Variants in PAPPA observed in about 807,000 individuals in gnomAD.
PAPPA encodes pappalysin 1, also known as pappalysin-1.
In PAPPA, 60 loss-of-function variants were observed where a neutral mutation model predicts 164.0. The observed-to-expected ratio is 0.37, with a 90% confidence interval of 0.30 to 0.45. The LOEUF (loss-of-function observed/expected upper bound fraction) is 0.45. Ranked by LOEUF, PAPPA falls within the 20% of genes least tolerant of loss-of-function variation. The probability of loss-of-function intolerance (pLI) is 1.00; values close to 1 mark genes in which losing one functional copy is unlikely to be tolerated. For missense variants in PAPPA, 1,782 were observed against 2,087.3 expected (o/e 0.85, Z 2.85); for synonymous variants, 875 against 814.1 (o/e 1.07, Z -1.27).
At position 116,347,265 on chromosome 9, in the gene PAPPA, G is replaced by T. The variant is rs984269248; in HGVS notation, c.3964+56G>T. Reference sequence around the variant, plus strand: ...TCCTTTGTCTATGGGAAACCTAGAAGCTGCATCCAGGCCCTCTTTCTGGGT... The same window carrying T: ...TCCTTTGTCTATGGGAAACCTAGAATCTGCATCCAGGCCCTCTTTCTGGGT... On this transcript the variant is annotated intron_variant, in intron 15 of 21. Coordinates refer to ENST00000328252, the MANE Select transcript of PAPPA (RefSeq NM_002581.5). This position sits in a 1 kb window ranked among gnomAD's most constrained non-coding sequence, Gnocchi z 4.5. The T allele has an allele frequency of 3.4e-6, 5 of 1,480,246 alleles. No individual in the cohort carries two copies. The highest frequency in any genetic ancestry group is 4.0e-5 in the Admixed American group (2 of 50,338). 91.7% of individuals were successfully genotyped at this position (1,480,246 alleles called of 1,614,324 possible).
intron 7 of PAPPA, among the ~76,000 whole-genome samples, chr9:116,242,630 G>A (rs918497844): frequency 2.0e-5 from 3 of 152,204 alleles, no homozygotes; most frequent in Non-Finnish European, 4.4e-5. Context: ...GTTGCAGTGA[G>A]CATTCTCGTA....
intron 6 of PAPPA, among the ~76,000 whole-genome samples, chr9:116,234,599 A>T (rs575794960): frequency 6.6e-6 from 1 of 152,164 alleles, no homozygotes; most frequent in African/African-American, 2.4e-5. Context: ...AAGGATTCTA[A>T]TTTATTCTAC....
chr9:116,242,614 G>A (rs1192253793), intron 7 of PAPPA, among the ~76,000 whole-genome samples: 1 of 152,252 alleles, frequency 6.6e-6, no homozygotes, highest in Non-Finnish European at 1.5e-5. Flanking sequence ...TCTGCTGCAA[G>A]CAAATGTTGC....
At chr9:116,244,051 C>A (rs1163932897) in intron 7 of PAPPA, among the ~76,000 whole-genome samples, 1 of 152,148 alleles carries the variant, frequency 6.6e-6, no homozygotes, top group African/African-American at 2.4e-5. Flanking sequence ...CATTATCCAC[C>A]TATGACTCCC....
At chr9:116,218,501 C>T (rs1006344402) in intron 4 of PAPPA, among the ~76,000 whole-genome samples, 3 of 152,230 alleles carry the variant, frequency 2.0e-5, no homozygotes, top group African/African-American at 7.2e-5. Context: ...CAAAACAGTG[C>T]ATTGCCCTGT....
chr9:116,272,521 C>T (rs558146521), intron 9 of PAPPA, among the ~76,000 whole-genome samples: 4 of 152,284 alleles, frequency 2.6e-5, no homozygotes, highest in African/African-American at 9.6e-5. Flanking sequence ...AGACCATATA[C>T]CATGTGTCTC....
At chr9:116,370,970 C>G (rs1318592083) in intron 19 of PAPPA, among the ~76,000 whole-genome samples, 1 of 152,134 alleles carries the variant, frequency 6.6e-6, no homozygotes, top group Non-Finnish European at 1.5e-5. Context: ...TGCTGTATGT[C>G]CTGGAGCAAA....
chr9:116,264,699 GA>G (rs1381536026), intron 7 of PAPPA, among the ~76,000 whole-genome samples: 1 of 152,034 alleles, frequency 6.6e-6, no homozygotes, highest in Non-Finnish European at 1.5e-5. Context: ...AATCTGACAG[GA>G]ATTCTCTTCA....
intron 1 of PAPPA, among the ~76,000 whole-genome samples, chr9:116,165,555 C>T (rs1331755906): frequency 1.3e-5 from 2 of 152,190 alleles, no homozygotes; most frequent in South Asian, 2.1e-4. Context: ...ATAATGCCCA[C>T]TTCTCTGAAA....
At chr9:116,334,313 C>T (rs888203999) in intron 12 of PAPPA, among the ~76,000 whole-genome samples, 1 of 151,746 alleles carries the variant, frequency 6.6e-6, no homozygotes, top group Non-Finnish European at 1.5e-5. Flanking sequence ...TTAGCCATGC[C>T]TGGGCTGTGC....
At chr9:116,324,821 A>C (rs1473564911) in intron 10 of PAPPA, among the ~76,000 whole-genome samples, 2 of 152,166 alleles carry the variant, frequency 1.3e-5, no homozygotes, top group Admixed American at 6.5e-5. Context: ...GTTGTCCAGC[A>C]TGAAGGAAGC....
chr9:116,238,238 T>G (rs1276916947), intron 7 of PAPPA, among the ~76,000 whole-genome samples: 1 of 152,208 alleles, frequency 6.6e-6, no homozygotes, highest in Non-Finnish European at 1.5e-5. Flanking sequence ...TCTCAAAGTG[T>G]GGCCCCAGAC....
intron 18 of PAPPA, among the ~76,000 whole-genome samples, chr9:116,363,117 A>T (rs1168309660): frequency 6.6e-6 from 1 of 152,192 alleles, no homozygotes; most frequent in Non-Finnish European, 1.5e-5. Flanking sequence ...AGCACACATC[A>T]CATTTAGGGA....
chr9:116,236,586 CAAA>C (rs35004875), intron 7 of PAPPA, among the ~76,000 whole-genome samples: 3 of 84,738 alleles, frequency 3.5e-5, no homozygotes, highest in Non-Finnish European at 2.4e-5. Flanking sequence ...AACTCCATCT[CAAA>C]AAAAAAAAAA....
At position 116,344,716 on chromosome 9, in the gene PAPPA, G is replaced by A; in HGVS notation, c.3780+5G>A. On this transcript the variant is annotated splice_donor_5th_base_variant and intron_variant, in intron 14 of 21. Coordinates refer to ENST00000328252, the MANE Select transcript of PAPPA (RefSeq NM_002581.5). Reference sequence around the variant, plus strand: ...GATGAGCTGATCAAGAGCCAGGTATGTGCAGGTGCTGAGCTCAGAGCCTCT... The same window carrying A: ...GATGAGCTGATCAAGAGCCAGGTATATGCAGGTGCTGAGCTCAGAGCCTCT... 1 of 1,611,368 alleles carries A rather than the reference G, an allele frequency of 6.2e-7. No individual in the cohort carries two copies. Among genetic ancestry groups the A allele is most frequent in the South Asian group, 1.1e-5 (1 of 90,982 alleles).
intron 6 of PAPPA, among the ~76,000 whole-genome samples, chr9:116,229,505 C>A (rs187236816): frequency 1.3e-5 from 2 of 152,252 alleles, no homozygotes; most frequent in East Asian, 3.9e-4. Context: ...TAGATATAAC[C>A]TGCATAAGCA....
intron 5 of PAPPA, among the ~76,000 whole-genome samples, chr9:116,224,884 G>C (rs1844486077): frequency 6.6e-6 from 1 of 151,934 alleles, no homozygotes; most frequent in Admixed American, 6.5e-5. Flanking sequence ...TGATTTCATT[G>C]TGTATGTTTG....
At chr9:116,356,457 G>C (rs1846355190) in intron 17 of PAPPA, among the ~76,000 whole-genome samples, 1 of 152,200 alleles carries the variant, frequency 6.6e-6, no homozygotes, top group Admixed American at 6.5e-5. Flanking sequence ...CACTCCAGTG[G>C]CGAGAATCCC....
At chr9:116,272,112 C>T (rs1845144123) in intron 9 of PAPPA, among the ~76,000 whole-genome samples, 1 of 152,182 alleles carries the variant, frequency 6.6e-6, no homozygotes, top group Admixed American at 6.5e-5. Context: ...CTTGTTGTTT[C>T]AGCCCCACTT....
Sources: allele counts gnomAD v4.1 joint callset (sites outside exome capture counted in the v4.1 genomes callset), GRCh38; gene constraint gnomAD v4.1.1; non-coding constraint Gnocchi (gnomAD v3.1); transcripts MANE v1.5; gene names NCBI Gene and HGNC (gene_info 2026-07-23, HGNC 2026-07-21).